FSTL4: variants seen among roughly 807,000 people sequenced by gnomAD.
The protein encoded by FSTL4 is follistatin-related protein 4.
Under a neutral mutation model 78.2 loss-of-function variants are expected in FSTL4, and 28 were observed. The ratio of observed to expected loss-of-function variants is 0.36; its 90% CI spans 0.27 to 0.49. The LOEUF (loss-of-function observed/expected upper bound fraction) is 0.49. Among genes scored for constraint, FSTL4 ranks in the 20% least tolerant of loss-of-function variants. The probability of loss-of-function intolerance (pLI) is 0.98; values close to 1 mark genes in which losing one functional copy is unlikely to be tolerated. For synonymous variants in FSTL4, 422 were observed against 440.5 expected (o/e 0.96, Z 0.53); for missense variants, 922 against 1,084.9 (o/e 0.85, Z 2.11).
chr5:133,705,851 A>G, the FSTL4 span, among the ~76,000 whole-genome samples: 6 of 136,630 alleles, frequency 4.4e-5, no homozygotes, highest in South Asian at 2.2e-4. Flanking sequence ...ACACACACAC[A>G]CGCGCGCACA....
At chr5:133,572,807 G>C (rs954202107) in intron 2 of FSTL4, among the ~76,000 whole-genome samples, 16 of 152,056 alleles carry the variant, frequency 1.1e-4, no homozygotes, top group Non-Finnish European at 1.8e-4. Flanking sequence ...TTAGTGCTAT[G>C]ACACCAAAGG....
chr5:133,816,272 G>C, the FSTL4 span, among the ~76,000 whole-genome samples: 1 of 152,308 alleles, frequency 6.6e-6, no homozygotes, highest in South Asian at 2.1e-4. Flanking sequence ...CCAAATACAT[G>C]GTTCCCAGCT....
intron 6 of FSTL4, among the ~76,000 whole-genome samples, chr5:133,276,780 A>G (rs985430561): frequency 1.6e-4 from 25 of 152,218 alleles, no homozygotes; most frequent in African/African-American, 5.5e-4. Flanking sequence ...TCATAGGACC[A>G]TTATTTATAA....
intron 2 of FSTL4, among the ~76,000 whole-genome samples, chr5:133,601,649 C>CT (rs1025039701): frequency 4.2e-5 from 5 of 119,834 alleles, no homozygotes; most frequent in East Asian, 2.0e-4. Context: ...TCTCTGTTTT[C>CT]TTTTTTTTCC....
intron 3 of FSTL4, among the ~76,000 whole-genome samples, chr5:133,502,973 C>A (rs1353262): frequency 0.51 from 77,979 of 152,030 alleles, 20,394 homozygotes; most frequent in African/African-American, 0.59. Flanking sequence ...CTCCTAATCT[C>A]CAGAAACTTT....
At chr5:133,779,961 G>C in the FSTL4 span, among the ~76,000 whole-genome samples, 3 of 152,152 alleles carry the variant, frequency 2.0e-5, no homozygotes, top group Admixed American at 2.0e-4. Flanking sequence ...CCAAGGAGGT[G>C]AGCACCATAT....
chr5:133,470,021 T>TAA (rs1344224173), intron 3 of FSTL4, among the ~76,000 whole-genome samples: 1 of 151,508 alleles, frequency 6.6e-6, no homozygotes, highest in Non-Finnish European at 1.5e-5. Context: ...TTCCTGTGGG[T>TAA]GTTAGCACCT....
At chr5:133,444,877 T>C (rs1757228995) in intron 3 of FSTL4, among the ~76,000 whole-genome samples, 1 of 152,214 alleles carries the variant, frequency 6.6e-6, no homozygotes, top group Non-Finnish European at 1.5e-5. Flanking sequence ...CTTCCATTTC[T>C]GGGGCCAAGG....
the FSTL4 span, among the ~76,000 whole-genome samples, chr5:133,783,119 C>A: frequency 1.3e-5 from 2 of 152,172 alleles, no homozygotes; most frequent in Non-Finnish European, 2.9e-5. Context: ...GGTGACAGAA[C>A]CCAAGTACAC....
chr5:133,312,504 C>T (rs1753809559), intron 6 of FSTL4, 150 bp downstream of exon 6: 1 of 680,366 alleles, frequency 1.5e-6, no homozygotes, highest in African/African-American at 1.8e-5. Context: ...TCTTAAAGCT[C>T]AGGCTTGTTG....
At chr5:133,780,600 A>G in the FSTL4 span, among the ~76,000 whole-genome samples, 2 of 152,226 alleles carry the variant, frequency 1.3e-5, no homozygotes, top group Admixed American at 1.3e-4. Context: ...TGAGGACTTT[A>G]TTAATACTGC....
chr5:133,395,664 C>T (rs992423965), intron 4 of FSTL4, among the ~76,000 whole-genome samples: 3 of 152,154 alleles, frequency 2.0e-5, no homozygotes, highest in African/African-American at 4.8e-5. Context: ...CTCTCCCCTA[C>T]ACCCAGGATC....
intron 10 of FSTL4, 50 bp from the exon 11 acceptor site, chr5:133,224,266 AAAG>A (rs770054685): frequency 2.7e-6 from 4 of 1,480,918 alleles, no homozygotes; most frequent in Non-Finnish European, 3.8e-6. Flanking sequence ...AGTCAAGGAA[AAAG>A]AAGAAAGCAG....
Position 133,249,393 on chromosome 5 carries a change from A to G in FSTL4, c.894+17T>C. The G allele has an allele frequency of 6.2e-7, 1 of 1,609,302 alleles. No individual in the cohort carries two copies. Among genetic ancestry groups the G allele is most frequent in the Non-Finnish European group, 8.5e-7 (1 of 1,175,594 alleles). On this transcript the variant is annotated intron_variant, in intron 7 of 15. Transcript: ENST00000265342. Reference sequence around the variant, plus strand: ...GGGAGGTGCGCTTGAGCTCAGAGTGAATTCCAGGTGACTTACATTGATGTC... The same window carrying G: ...GGGAGGTGCGCTTGAGCTCAGAGTGGATTCCAGGTGACTTACATTGATGTC...
At chr5:133,464,839 G>C (rs370697543) in intron 3 of FSTL4, among the ~76,000 whole-genome samples, 6 of 152,112 alleles carry the variant, frequency 3.9e-5, no homozygotes, top group Non-Finnish European at 8.8e-5. Flanking sequence ...AAAATATAGC[G>C]GACTCAACTA....
intron 3 of FSTL4, among the ~76,000 whole-genome samples, chr5:133,436,208 T>C (rs553672982): frequency 2.0e-5 from 3 of 152,236 alleles, no homozygotes; most frequent in Non-Finnish European, 4.4e-5. Context: ...TATGGCATTA[T>C]GAGCTAAGTG....
chr5:133,403,442 C>T (rs1385266716), intron 3 of FSTL4, among the ~76,000 whole-genome samples: 1 of 152,234 alleles, frequency 6.6e-6, no homozygotes, highest in Non-Finnish European at 1.5e-5. Context: ...CTGCCCTGCT[C>T]TGGCCTCAGG....
intron 3 of FSTL4, among the ~76,000 whole-genome samples, chr5:133,501,687 T>C (rs563256551): frequency 5.7e-4 from 87 of 152,300 alleles, no homozygotes; most frequent in Non-Finnish European, 1.1e-3. Context: ...CCAATGAATA[T>C]GATGAAGTAC....
At chr5:133,405,111 C>G (rs1231287362) in intron 3 of FSTL4, among the ~76,000 whole-genome samples, 1 of 152,208 alleles carries the variant, frequency 6.6e-6, no homozygotes, top group Admixed American at 6.5e-5. Context: ...GAGCTCCCTG[C>G]TCCCATCTCA....
Sources: gnomAD v4.1 joint callset for allele counts (sites outside exome capture counted in the v4.1 genomes callset) on GRCh38, gnomAD v4.1.1 for gene constraint, MANE v1.5 for transcripts, NCBI Gene and HGNC (gene_info 2026-07-23, HGNC 2026-07-21) for gene names.